SDK1: variants seen among roughly 807,000 people sequenced by gnomAD.
The protein encoded by SDK1 is protein sidekick-1.
Under a neutral mutation model 245.5 loss-of-function variants are expected in SDK1, and 157 were observed. That is an observed-to-expected ratio of 0.64 (90% CI 0.56 to 0.73). The LOEUF is 0.73. Among genes scored for constraint, SDK1 ranks in the 30% least tolerant of loss-of-function variants. The probability of loss-of-function intolerance (pLI) is 0.00; values close to 1 mark genes in which losing one functional copy is unlikely to be tolerated. For missense variants in SDK1, 3,583 were observed against 3,002.3 expected (o/e 1.19, Z -4.52); for synonymous variants, 1,647 against 1,278.5 (o/e 1.29, Z -6.15).
intron 4 of SDK1, among the ~76,000 whole-genome samples, chr7:3,663,464 C>T (rs576497393): frequency 1.3e-5 from 2 of 152,066 alleles, no homozygotes; most frequent in African/African-American, 2.4e-5. Flanking sequence ...CAGGGCCTTG[C>T]TTGTTTGCAT....
At chr7:3,521,976 T>A (rs1782953659) in intron 1 of SDK1, among the ~76,000 whole-genome samples, 1 of 151,688 alleles carries the variant, frequency 6.6e-6, no homozygotes, top group Non-Finnish European at 1.5e-5. Context: ...GAAGATGGAG[T>A]TAGCCAGGTG....
intron 21 of SDK1, among the ~76,000 whole-genome samples, chr7:4,077,798 C>T (rs996521678): frequency 5.9e-5 from 9 of 152,172 alleles, no homozygotes; most frequent in Non-Finnish European, 1.0e-4. Flanking sequence ...TCAGTTACCT[C>T]CCACCAGGTT....
At chr7:3,434,408 C>T (rs1046302229) in intron 1 of SDK1, among the ~76,000 whole-genome samples, 2 of 152,176 alleles carry the variant, frequency 1.3e-5, no homozygotes, top group African/African-American at 4.8e-5. Context: ...GTGCCCTACG[C>T]CACTGTGGTT....
intron 13 of SDK1, 159 bp downstream of exon 13, chr7:3,974,704 G>T: frequency 1.7e-6 from 1 of 596,680 alleles, no homozygotes; most frequent in East Asian, 3.0e-5. Context: ...ATATGGACAA[G>T]GTTTTTTTGT....
intron 44 of SDK1, among the ~76,000 whole-genome samples, chr7:4,248,201 T>C (rs935502545): frequency 4.6e-5 from 7 of 151,968 alleles, no homozygotes; most frequent in Non-Finnish European, 8.8e-5. Flanking sequence ...CACGGACACA[T>C]ACACACCTGA....
rs80096386 is a variant in SDK1 at position 4,071,929 on chromosome 7, C to T, written c.3010+3993C>T. On this transcript the variant is annotated intron_variant, in intron 20 of 44. Coordinates refer to ENST00000404826, the MANE Select transcript of SDK1 (RefSeq NM_152744.4). ...GGAATTCCCTTTTTACAGATACACA[C>T]GTTAGCCCCTGCCCTGCCCTTTGTG... Among the ~76,000 whole-genome samples, 653 of 152,326 alleles carry T rather than the reference C, an allele frequency of 4.3e-3. 6 individuals carry two copies. Among genetic ancestry groups the T allele is most frequent in the African/African-American group, 0.015 (618 of 41,570 alleles).
intron 2 of SDK1, among the ~76,000 whole-genome samples, chr7:3,628,769 T>G (rs1202477631): frequency 6.6e-6 from 1 of 152,106 alleles, no homozygotes; most frequent in Non-Finnish European, 1.5e-5. Context: ...TGAACAGTTG[T>G]TTTCAAGACA....
At chr7:3,311,285 A>G (rs1400843660) in intron 1 of SDK1, among the ~76,000 whole-genome samples, 1 of 152,136 alleles carries the variant, frequency 6.6e-6, no homozygotes, top group Non-Finnish European at 1.5e-5. Context: ...AAAAAATGGA[A>G]TGGTCAGTCT....
At chr7:4,189,625 G>T (rs1471926627) in intron 35 of SDK1, among the ~76,000 whole-genome samples, 1 of 152,164 alleles carries the variant, frequency 6.6e-6, no homozygotes, top group African/African-American at 2.4e-5. Flanking sequence ...CAAGGCGGGT[G>T]GATTACTTGA....
chr7:3,861,959 A>G (rs1780704169), intron 5 of SDK1, among the ~76,000 whole-genome samples: 1 of 152,170 alleles, frequency 6.6e-6, no homozygotes, highest in African/African-American at 2.4e-5. Context: ...AGAGCATCCT[A>G]GAAGACTCTA....
At chr7:3,531,875 A>C (rs926201444) in intron 1 of SDK1, among the ~76,000 whole-genome samples, 7 of 152,222 alleles carry the variant, frequency 4.6e-5, no homozygotes, top group Non-Finnish European at 8.8e-5. Context: ...GCTGTCTAGA[A>C]ATTAAGTAGG....
At chr7:3,959,102 G>C in intron 8 of SDK1, 88 bp downstream of exon 8, 1 of 1,012,274 alleles carries the variant, frequency 9.9e-7, no homozygotes, top group East Asian at 2.4e-5. Context: ...CATCATTCTA[G>C]GGAGACATTG....
intron 4 of SDK1, among the ~76,000 whole-genome samples, chr7:3,806,405 C>G (rs189545750): frequency 1.5e-4 from 22 of 151,504 alleles, no homozygotes; most frequent in South Asian, 8.4e-4. Flanking sequence ...CTTGGGGGCC[C>G]TTATTCGGCC....
At position 3,573,538 on chromosome 7, in the gene SDK1, C is replaced by T. The variant is rs138542668; in HGVS notation, c.299-45542C>T. ...TGAGAAACAACAGCCTCCACGTGTG[C>T]ACCTCGGGAAGAAGTGAGTCACAGT... On this transcript the variant is annotated intron_variant, in intron 1 of 44. Transcript: ENST00000404826. Among the ~76,000 whole-genome samples the T allele has an allele frequency of 1.8e-3, 278 of 152,212 alleles. 5 individuals carry two copies. The highest frequency in any genetic ancestry group is 6.4e-3 in the African/African-American group (267 of 41,578).
intron 9 of SDK1, among the ~76,000 whole-genome samples, chr7:3,966,393 A>T (rs1782084027): frequency 6.6e-6 from 1 of 152,222 alleles, no homozygotes; most frequent in Admixed American, 6.5e-5. Context: ...TCACTGTTGT[A>T]CGGGGGGTTC....
intron 1 of SDK1, among the ~76,000 whole-genome samples, chr7:3,390,159 A>C (rs1464275712): frequency 6.6e-6 from 1 of 152,144 alleles, no homozygotes; most frequent in Non-Finnish European, 1.5e-5. Flanking sequence ...GCTTATAGTA[A>C]AATGTGAGAA....
At chr7:3,512,569 C>G (rs77571449) in intron 1 of SDK1, among the ~76,000 whole-genome samples, 33 of 152,142 alleles carry the variant, frequency 2.2e-4, no homozygotes, top group African/African-American at 7.7e-4. Flanking sequence ...CATTTTACAT[C>G]CCCAGCAGCA....
At chr7:3,734,913 G>C (rs1779277880) in intron 4 of SDK1, among the ~76,000 whole-genome samples, 1 of 152,152 alleles carries the variant, frequency 6.6e-6, no homozygotes, top group Non-Finnish European at 1.5e-5. Context: ...CCTGTTCTTG[G>C]CTGAAGTAAG....
chr7:3,875,825 C>G (rs777453580), intron 5 of SDK1, among the ~76,000 whole-genome samples: 3 of 152,164 alleles, frequency 2.0e-5, no homozygotes, highest in African/African-American at 4.8e-5. Context: ...CCTTGGGAAT[C>G]TCCACCTTCA....
Sources: gnomAD v4.1 joint callset for allele counts (sites outside exome capture counted in the v4.1 genomes callset) on GRCh38, gnomAD v4.1.1 for gene constraint, MANE v1.5 for transcripts, NCBI Gene and HGNC (gene_info 2026-07-23, HGNC 2026-07-21) for gene names.